Variants in ZFC3H1 observed in about 807,000 individuals in gnomAD.
ZFC3H1 encodes zinc finger C3H1 domain-containing protein.
ZFC3H1 carries 71 observed loss-of-function variants against 243.7 expected under a neutral mutation model. The ratio of observed to expected loss-of-function variants is 0.29; its 90% CI spans 0.24 to 0.36. The LOEUF is 0.36. Among genes scored for constraint, ZFC3H1 ranks in the 10% least tolerant of loss-of-function variants. ZFC3H1 has a pLI of 1.00. For synonymous variants in ZFC3H1, 838 were observed against 813.0 expected (o/e 1.03, Z -0.52); for missense variants, 1,966 against 2,317.1 (o/e 0.85, Z 3.11).
intron 3 of ZFC3H1, among the ~76,000 whole-genome samples, chr12:71,645,605 G>A (rs1004673201): frequency 1.3e-5 from 2 of 151,850 alleles, no homozygotes; most frequent in African/African-American, 4.9e-5. Flanking sequence ...TACTATTGAA[G>A]GGAAAAATCT....
intron 2 of ZFC3H1, among the ~76,000 whole-genome samples, chr12:71,653,733 G>A (rs1880946639): frequency 6.6e-6 from 1 of 152,140 alleles, no homozygotes; most frequent in Non-Finnish European, 1.5e-5. Context: ...ATATAATTAG[G>A]GGCTGGGTGT....
At chr12:71,644,018 AT>A in intron 5 of ZFC3H1, 76 bp downstream of exon 5, 1 of 1,275,624 alleles carries the variant, frequency 7.8e-7, no homozygotes, top group South Asian at 1.4e-5. Context: ...AAACTTCCTT[AT>A]TTGACAGAAT....
intron 14 of ZFC3H1, 123 bp downstream of exon 14, chr12:71,632,763 A>G: frequency 7.1e-7 from 1 of 1,415,198 alleles, no homozygotes. Context: ...TTAAAAACAA[A>G]GCTTTAATCT....
rs181629925 is a variant in ZFC3H1, at chr12:71,638,311, A to G, written c.1725+107T>C. 211 of 1,057,952 alleles carry G rather than the reference A, an allele frequency of 2.0e-4. 2 individuals carry two copies. In the East Asian group the frequency reaches 4.3e-3, roughly 21 times the overall value. The allele number at this position is 1,057,952 out of a possible 1,614,324, so 65.5% of individuals were successfully genotyped here. A position where few individuals can be genotyped will look rare whatever the true frequency, so the allele number is the denominator to read the frequency against. On this transcript the variant is annotated intron_variant, in intron 7 of 34. Coordinates refer to ENST00000378743, the MANE Select transcript of ZFC3H1 (RefSeq NM_144982.5). The stretch of plus-strand genomic sequence containing the variant: ...ATTTCATTGCTATTAATTCTTGGTA[A>G]GCAATTCTGATTTTTTAAGCCCTCT...
intron 22 of ZFC3H1, among the ~76,000 whole-genome samples, chr12:71,624,898 C>A (rs1038611903): frequency 6.6e-6 from 1 of 152,100 alleles, no homozygotes; most frequent in Non-Finnish European, 1.5e-5. Flanking sequence ...ACCCAGGAGA[C>A]GGAGGTTGCA....
intron 31 of ZFC3H1, 114 bp from the exon 32 acceptor site, chr12:71,612,001 A>G: frequency 1.8e-6 from 1 of 561,378 alleles, no homozygotes; most frequent in Non-Finnish European, 3.1e-6. Flanking sequence ...TTCCATCAAG[A>G]CTACCCAGCA....
At chr12:71,634,118 C>A (rs1414747472) in intron 12 of ZFC3H1, 37 bp downstream of exon 12, 2 of 1,583,276 alleles carry the variant, frequency 1.3e-6, no homozygotes, top group African/African-American at 1.4e-5. Flanking sequence ...TTCTCTACCA[C>A]AGGAACAATT....
At chr12:71,645,143 C>T in intron 3 of ZFC3H1, 68 bp from the exon 4 acceptor site, 1 of 1,411,454 alleles carries the variant, frequency 7.1e-7, no homozygotes, top group Non-Finnish European at 9.4e-7. Context: ...TTCATCAAGT[C>T]AAATCCTTTA....
intron 24 of ZFC3H1, 54 bp downstream of exon 24, chr12:71,623,306 C>A: frequency 7.2e-7 from 1 of 1,396,366 alleles, no homozygotes; most frequent in South Asian, 1.5e-5. Context: ...AGTTAATGTT[C>A]TAAACACTGA....
intron 14 of ZFC3H1, 93 bp downstream of exon 14, chr12:71,632,793 G>A (rs1189477276): frequency 4.2e-5 from 63 of 1,503,880 alleles, no homozygotes; most frequent in Non-Finnish European, 5.4e-5. Flanking sequence ...GGAATTTACA[G>A]CAAAGAGTTA....
intron 5 of ZFC3H1, 136 bp from the exon 6 acceptor site, chr12:71,642,695 T>C: frequency 1.0e-6 from 1 of 993,602 alleles, no homozygotes; most frequent in South Asian, 1.9e-5. Flanking sequence ...ATCACATCTT[T>C]GGGAAATTCA....
chr12:71,647,803 A>G lies in ZFC3H1; in HGVS notation c.1026T>C (p.Asp342=). ...TTCTTCTTGTTAAATTTTGTTCTTT[A>G]TCTTGTAATCCTTTAAAATAAAATA... ...DTTDSSQGLQ[D]KEQNLTRRIS... is the part of the protein sequence containing the mutation. Residue 342 remains aspartate, a synonymous_variant, in exon 3 of 35, where the codon GAT becomes GAC. Coordinates refer to ENST00000378743, the MANE Select transcript of ZFC3H1 (RefSeq NM_144982.5). 7.6e-7 allele frequency: 1 copy of G among 1,317,346 alleles called. No homozygotes were observed. Among genetic ancestry groups the G allele is most frequent in the Non-Finnish European group, 1.1e-6 (1 of 944,318 alleles). The allele number at this position is 1,317,346 out of a possible 1,614,324, so 81.6% of individuals were successfully genotyped here.
In ZFC3H1 at chr12:71,631,917, C is replaced by G. The variant is rs771789869; in HGVS notation, c.3361-30G>C. ...AAAAGAAAATAATAATTCTGTAAGG[C>G]AAATAAGGCTGGGTGAATTCCAGAT... On this transcript the variant is annotated intron_variant, in intron 15 of 34. Transcript: ENST00000378743. 3.7e-6 allele frequency: 6 copies of G among 1,607,198 alleles called. No individual in the cohort carries two copies. In the East Asian group the frequency reaches 1.1e-4, roughly 30 times the overall value.
chr12:71,626,574 T>C, intron 21 of ZFC3H1, 128 bp from the exon 22 acceptor site: 1 of 814,410 alleles, frequency 1.2e-6, no homozygotes, highest in Non-Finnish European at 1.8e-6. Flanking sequence ...TCAGGATCAC[T>C]TATGAAAAGG....
chr12:71,611,850 T>C lies in ZFC3H1; in HGVS notation c.5665A>G (p.Ile1889Val). Residue 1889 changes from isoleucine to valine, a missense_variant, in exon 32 of 35, where the codon ATT becomes GTT. Transcript: ENST00000378743. ...QHEWEESNVQ[I>V]LKLQAKMFTY... ...AACATCTTGGCTTGAAGTTTCAGAA[T>C]CTGAACATTGCTTTCTTCCCATTCA... 2 of 1,607,636 alleles carry C rather than the reference T, an allele frequency of 1.2e-6. No homozygotes were observed. Among genetic ancestry groups the C allele is most frequent in the Non-Finnish European group, 1.7e-6 (2 of 1,176,256 alleles).
At chr12:71,637,238 A>G (rs1479922631) in intron 7 of ZFC3H1, among the ~76,000 whole-genome samples, 179 bp from the exon 8 acceptor site, 3 of 152,140 alleles carry the variant, frequency 2.0e-5, no homozygotes, top group East Asian at 3.8e-4. Context: ...AACCACGAAA[A>G]AGTGTTATTT....
At chr12:71,635,309 C>G (rs932594969) in intron 10 of ZFC3H1, 134 bp downstream of exon 10, 6 of 1,192,148 alleles carry the variant, frequency 5.0e-6, no homozygotes, top group Non-Finnish European at 5.6e-6. Context: ...CCTAATAGCA[C>G]AAATACTTAA....
intron 3 of ZFC3H1, among the ~76,000 whole-genome samples, chr12:71,646,212 G>A (rs571526684): frequency 2.0e-5 from 3 of 152,254 alleles, no homozygotes; most frequent in African/African-American, 7.2e-5. Flanking sequence ...ACCAAACCAA[G>A]ACAGTTACCT....
At chr12:71,615,628 T>C (rs1172267098) in intron 27 of ZFC3H1, among the ~76,000 whole-genome samples, 2 of 152,120 alleles carry the variant, frequency 1.3e-5, no homozygotes, top group Non-Finnish European at 2.9e-5. Context: ...GTGATTCTCA[T>C]GTCTCAGCTT....
Sources: gnomAD v4.1 joint callset for allele counts (sites outside exome capture counted in the v4.1 genomes callset) on GRCh38, gnomAD v4.1.1 for gene constraint, MANE v1.5 for transcripts, NCBI Gene and HGNC (gene_info 2026-07-23, HGNC 2026-07-21) for gene names.